Variants in ATL2 observed in about 807,000 individuals in gnomAD.
The protein encoded by ATL2 is atlastin-2.
A neutral mutation model predicts 73.9 loss-of-function variants in ATL2; 31 were observed. That is an observed-to-expected ratio of 0.42 (90% CI 0.32 to 0.57). ATL2 has a LOEUF of 0.57. Ranked by LOEUF, ATL2 falls within the 20% of genes least tolerant of loss-of-function variation. The pLI is 0.14. For synonymous variants in ATL2, 291 were observed against 237.5 expected (o/e 1.23, Z -2.07); for missense variants, 738 against 702.6 (o/e 1.05, Z -0.57).
At chr2:38,344,190 G>A (rs969926531) in intron 1 of ATL2, among the ~76,000 whole-genome samples, 2 of 146,644 alleles carry the variant, frequency 1.4e-5, no homozygotes, top group African/African-American at 5.6e-5. Flanking sequence ...TTTTCCAACT[G>A]TATGCACACA....
At chr2:38,296,421 C>G in intron 12 of ATL2, 1 of 1,549,856 alleles carries the variant, frequency 6.5e-7, no homozygotes, top group Non-Finnish European at 8.7e-7. Context: ...GACGGTCCTG[C>G]TTATTGTCCT....
intron 2 of ATL2, among the ~76,000 whole-genome samples, chr2:38,326,977 G>A (rs561959664): frequency 6.6e-6 from 1 of 151,502 alleles, no homozygotes; most frequent in African/African-American, 2.4e-5. Flanking sequence ...GACAAAGCAA[G>A]GCTCCATCTC....
intron 9 of ATL2, among the ~76,000 whole-genome samples, chr2:38,305,420 G>A (rs1667396446): frequency 1.3e-5 from 2 of 152,120 alleles, no homozygotes; most frequent in South Asian, 2.1e-4. Flanking sequence ...ATGGTGGTGC[G>A]TTACTGTAGT....
rs1325051870 is a variant in ATL2 at position 38,294,894 on chromosome 2, T to C, written c.*1100A>G. 6.7e-6 allele frequency: 1 copy of C among 149,584 alleles called. No individual in the cohort carries two copies. Among genetic ancestry groups the C allele is most frequent in the Admixed American group, 6.8e-5 (1 of 14,752 alleles). The allele number at this position is 149,584 out of a possible 1,614,324, so 9.3% of individuals were successfully genotyped here. A position where few individuals can be genotyped will look rare whatever the true frequency, so the allele number is the denominator to read the frequency against. ...AGAATCACAAGTTTCATTTTATATA[T>C]ACAACAAATTTTTAATTATGTACTG... On this transcript the variant is annotated 3_prime_UTR_variant, in exon 13 of 13. Coordinates refer to ENST00000378954, the MANE Select transcript of ATL2 (RefSeq NM_001135673.4).
chr2:38,329,079 A>G (rs1041474858), intron 2 of ATL2, among the ~76,000 whole-genome samples: 1 of 151,328 alleles, frequency 6.6e-6, no homozygotes, highest in African/African-American at 2.4e-5. Context: ...ATTCTTGGAA[A>G]GAAACAAACT....
intron 2 of ATL2, among the ~76,000 whole-genome samples, chr2:38,323,021 T>C (rs1668408606): frequency 6.6e-6 from 1 of 152,248 alleles, no homozygotes; most frequent in Non-Finnish European, 1.5e-5. Flanking sequence ...CATTAAATAT[T>C]TGTGGAACCT....
At chr2:38,370,103 C>T (rs1294389933) in intron 1 of ATL2, among the ~76,000 whole-genome samples, 5 of 134,776 alleles carry the variant, frequency 3.7e-5, no homozygotes, top group African/African-American at 1.5e-4. Flanking sequence ...TGCAGTGAGC[C>T]GAGATCCCGC....
At chr2:38,327,524 TAA>T (rs1350041032) in intron 2 of ATL2, among the ~76,000 whole-genome samples, 2 of 24,052 alleles carry the variant, frequency 8.3e-5, no homozygotes, top group South Asian at 1.0e-3. Flanking sequence ...GAGGGGAATA[TAA>T]AAAAAAAAAA....
At position 38,305,534 on chromosome 2, in the gene ATL2, G is replaced by A. The variant is rs552438422; in HGVS notation, c.1071+3845C>T. 2.3e-3 allele frequency among the ~76,000 whole-genome samples: 348 copies of A among 152,052 alleles called. 2 individuals carry two copies. Among genetic ancestry groups the A allele is most frequent in the African/African-American group, 7.7e-3 (321 of 41,454 alleles). On this transcript the variant is annotated intron_variant, in intron 9 of 12. Coordinates refer to ENST00000378954, the MANE Select transcript of ATL2 (RefSeq NM_001135673.4). ...GCTGCACTCCAGCCTGGGCAAAACA[G>A]CGACACTTGGTCTCAAAAAAAAAAT...
At chr2:38,366,497 A>G (rs920299420) in intron 1 of ATL2, among the ~76,000 whole-genome samples, 6 of 152,192 alleles carry the variant, frequency 3.9e-5, no homozygotes, top group African/African-American at 1.4e-4. Flanking sequence ...TTATGTCATA[A>G]AAAGTTACCA....
At chr2:38,362,876 T>C (rs762821236) in intron 1 of ATL2, among the ~76,000 whole-genome samples, 2 of 152,184 alleles carry the variant, frequency 1.3e-5, no homozygotes, top group African/African-American at 4.8e-5. Context: ...TAGTCACAGA[T>C]AACTTCTCCT....
chr2:38,294,232 C>G lies in ATL2; in HGVS notation c.*1762G>C, dbSNP rs913806734. 3.9e-5 allele frequency among the ~76,000 whole-genome samples: 6 copies of G among 152,202 alleles called. No homozygotes were observed. The highest frequency in any genetic ancestry group is 5.9e-5 in the Non-Finnish European group (4 of 68,030). ...CAGAGTTTTCACACATGCAACTCAA[C>G]ACCTGCATTCTCTTCGCTTAAAAAG... On this transcript the variant is annotated 3_prime_UTR_variant, in exon 13 of 13. Coordinates refer to ENST00000378954, the MANE Select transcript of ATL2 (RefSeq NM_001135673.4).
intron 4 of ATL2, among the ~76,000 whole-genome samples, 190 bp from the exon 5 acceptor site, chr2:38,315,524 T>C (rs1022416181): frequency 4.6e-5 from 7 of 152,086 alleles, no homozygotes; most frequent in African/African-American, 1.4e-4. Context: ...AGATAGAATA[T>C]TAAGGAAGAA....
chr2:38,338,613 T>C (rs1669514510), intron 2 of ATL2, among the ~76,000 whole-genome samples: 1 of 152,186 alleles, frequency 6.6e-6, no homozygotes. Context: ...TTTAGATGTC[T>C]TCCTCCTATC....
At chr2:38,332,120 A>G (rs966864796) in intron 2 of ATL2, among the ~76,000 whole-genome samples, 4 of 152,200 alleles carry the variant, frequency 2.6e-5, no homozygotes, top group Non-Finnish European at 5.9e-5. Context: ...CAGAAAATAG[A>G]TTAGCGGTTC....
chr2:38,359,530 C>T (rs1011107103), intron 1 of ATL2: 2 of 151,750 alleles, frequency 1.3e-5, no homozygotes, highest in African/African-American at 2.4e-5. Flanking sequence ...TCATCTCCTT[C>T]CTTCATTACT....
In ATL2 at chr2:38,347,832, T is replaced by C. The variant is rs571608786; in HGVS notation, c.119-4320A>G. ...CCCAGGCTGGAGTGCAGTGGTGAGA[T>C]CTCGACTCACTGCAACCTCTGCCTC... is the stretch of plus-strand genomic sequence containing the variant. On this transcript the variant is annotated intron_variant, in intron 1 of 12. Coordinates refer to ENST00000378954, the MANE Select transcript of ATL2 (RefSeq NM_001135673.4). Among the ~76,000 whole-genome samples, 79 of 149,814 alleles carry C rather than the reference T, an allele frequency of 5.3e-4. 1 individual carries two copies. Among genetic ancestry groups the C allele is most frequent in the African/African-American group, 1.9e-3 (79 of 40,560 alleles).
intron 2 of ATL2, among the ~76,000 whole-genome samples, chr2:38,333,729 G>A (rs1669136407): frequency 1.3e-5 from 2 of 152,162 alleles, no homozygotes. Context: ...AGCTGGAAAA[G>A]CTGCAAAGGA....
intron 2 of ATL2, among the ~76,000 whole-genome samples, chr2:38,337,141 A>C (rs1669403096): frequency 6.6e-6 from 1 of 152,068 alleles, no homozygotes; most frequent in Admixed American, 6.6e-5. Flanking sequence ...CACTTTGAAG[A>C]CAACCAATCA....
Sources: gnomAD v4.1 joint callset for allele counts (sites outside exome capture counted in the v4.1 genomes callset) on GRCh38, gnomAD v4.1.1 for gene constraint, MANE v1.5 for transcripts, NCBI Gene and HGNC (gene_info 2026-07-23, HGNC 2026-07-21) for gene names.